The following ETV1 variants were observed in gnomAD, a reference collection of about 807,000 sequenced individuals.
ETV1 encodes the protein ETS variant transcription factor 1.
A neutral mutation model predicts 62.3 loss-of-function variants in ETV1; 27 were observed. The ratio of observed to expected loss-of-function variants is 0.43; its 90% CI spans 0.32 to 0.60. ETV1 has a LOEUF of 0.60. Among genes scored for constraint, ETV1 ranks in the 20% least tolerant of loss-of-function variants. The pLI, the probability that ETV1 is intolerant of heterozygous loss-of-function variation, is 0.06. For synonymous variants in ETV1, 222 were observed against 199.6 expected (o/e 1.11, Z -0.94); for missense variants, 605 against 605.8 (o/e 1.00, Z 0.01).
At position 13,937,504 on chromosome 7, in the gene ETV1, T is replaced by C. The variant is rs1389647365; in HGVS notation, c.366-1608A>G. On this transcript the variant is annotated intron_variant, in intron 7 of 13. Coordinates refer to ENST00000430479, the MANE Select transcript of ETV1 (RefSeq NM_004956.5). The stretch of plus-strand genomic sequence containing the variant: ...ATCCCCCAAAAGAAACACAAAATAT[T>C]CAGGCAATTCCTTTATTATTGATTT... Among the ~76,000 whole-genome samples, 3 of 152,202 alleles carry C rather than the reference T, an allele frequency of 2.0e-5. No homozygotes were observed. The East Asian group carries it at 5.8e-4, about 29-fold the overall frequency.
intron 9 of ETV1, among the ~76,000 whole-genome samples, chr7:13,929,358 G>A (rs373669432): frequency 1.8e-4 from 28 of 152,092 alleles, no homozygotes; most frequent in East Asian, 1.6e-3. Flanking sequence ...ATTATAAATC[G>A]GCCAAGCAAA....
chr7:13,907,664 G>A (rs10950497), intron 11 of ETV1: 86,428 of 289,748 alleles, frequency 0.3, 13,550 homozygotes, highest in East Asian at 0.4. Flanking sequence ...CTGCAAGTAT[G>A]TCATTGTTAG....
At chr7:13,905,504 A>G (rs1295144602) in intron 12 of ETV1, among the ~76,000 whole-genome samples, 1 of 152,174 alleles carries the variant, frequency 6.6e-6, no homozygotes, top group Non-Finnish European at 1.5e-5. Context: ...TTTGATATTA[A>G]CTTCACCTTT....
At chr7:13,911,765 T>C (rs1436714498) in intron 9 of ETV1, among the ~76,000 whole-genome samples, 4 of 152,256 alleles carry the variant, frequency 2.6e-5, no homozygotes, top group African/African-American at 9.6e-5. Context: ...TATGCTATTA[T>C]ACTATGCCTT....
Position 13,915,532 on chromosome 7 carries a change from ACTT to A in ETV1, c.803-4228_803-4226del, listed in dbSNP as rs1256927980. Among the ~76,000 whole-genome samples, 6 of 152,224 alleles carry A rather than the reference ACTT, an allele frequency of 3.9e-5. No homozygotes were observed. The South Asian group carries it at 6.2e-4, about 16-fold the overall frequency. ...ACTTCACTAGATTTTTTGTTTGCTT[ACTT>A]CTTCTCATTTGCTGGTAAGCTCATA... On this transcript the variant is annotated intron_variant, in intron 9 of 13. Coordinates refer to ENST00000430479, the MANE Select transcript of ETV1 (RefSeq NM_004956.5).
chr7:13,968,392 C>G (rs1780523801), intron 6 of ETV1, among the ~76,000 whole-genome samples: 1 of 151,528 alleles, frequency 6.6e-6, no homozygotes, highest in South Asian at 2.1e-4. Flanking sequence ...GGGCGGTAAG[C>G]CTGCCCTATG....
intron 6 of ETV1, among the ~76,000 whole-genome samples, chr7:13,968,882 T>G (rs942355173): frequency 3.9e-5 from 6 of 152,132 alleles, no homozygotes; most frequent in African/African-American, 1.4e-4. Flanking sequence ...GATGGATTCC[T>G]GGGAGGGTAT....
At chr7:13,957,221 G>A (rs1439614133) in intron 6 of ETV1, among the ~76,000 whole-genome samples, 1 of 152,034 alleles carries the variant, frequency 6.6e-6, no homozygotes, top group African/African-American at 2.4e-5. Context: ...AAGTAGCTGG[G>A]ACTACAGGCG....
rs187340869 is a variant in ETV1 at position 13,918,230 on chromosome 7, G to C, written c.803-6923C>G. ...AATAATACTAGTAAGAAGTTCATTT[G>C]GGTATATACCCAGTAATGGGATGGC... On this transcript the variant is annotated intron_variant, in intron 9 of 13. Transcript: ENST00000430479. 3.5e-3 allele frequency among the ~76,000 whole-genome samples: 538 copies of C among 152,102 alleles called. 6 individuals carry two copies. Among genetic ancestry groups the C allele is most frequent in the African/African-American group, 0.012 (503 of 41,496 alleles).
intron 6 of ETV1, among the ~76,000 whole-genome samples, chr7:13,968,768 G>A (rs1157733620): frequency 2.6e-5 from 4 of 151,766 alleles, no homozygotes; most frequent in African/African-American, 9.7e-5. Context: ...ATGTGGCTCT[G>A]GGCCTAAAAG....
intron 12 of ETV1, 70 bp from the exon 13 acceptor site, chr7:13,900,909 A>G: frequency 9.5e-7 from 1 of 1,056,694 alleles, no homozygotes. Flanking sequence ...AAAATTATTT[A>G]ATTAATTACT....
intron 6 of ETV1, among the ~76,000 whole-genome samples, chr7:13,969,663 G>A (rs1452952020): frequency 1.3e-5 from 2 of 152,164 alleles, no homozygotes; most frequent in East Asian, 3.9e-4. Context: ...ATTTGCACAA[G>A]CTTCCCAAAT....
At chr7:13,919,242 T>C (rs539926796) in intron 9 of ETV1, among the ~76,000 whole-genome samples, 3 of 152,226 alleles carry the variant, frequency 2.0e-5, no homozygotes, top group Admixed American at 2.0e-4. Flanking sequence ...TTACAAAACA[T>C]GCTCAATATG....
At chr7:13,981,247 C>T (rs928780714) in intron 5 of ETV1, among the ~76,000 whole-genome samples, 1 of 152,038 alleles carries the variant, frequency 6.6e-6, no homozygotes, top group Non-Finnish European at 1.5e-5. Context: ...TCTTTCTGCC[C>T]GTGAATGAGA....
intron 9 of ETV1, among the ~76,000 whole-genome samples, chr7:13,929,930 T>C (rs542853271): frequency 1.6e-4 from 24 of 152,306 alleles, no homozygotes; most frequent in African/African-American, 5.3e-4. Flanking sequence ...GGTAATCTTA[T>C]ACGCAAACTG....
At chr7:13,981,316 A>C (rs1019384732) in intron 5 of ETV1, among the ~76,000 whole-genome samples, 9 of 152,080 alleles carry the variant, frequency 5.9e-5, no homozygotes, top group African/African-American at 2.2e-4. Flanking sequence ...TTCTGCCTCC[A>C]TTCACAAAAA....
intron 8 of ETV1, 50 bp from the exon 9 acceptor site, chr7:13,931,799 C>T (rs1583680467): frequency 1.3e-5 from 21 of 1,596,356 alleles, no homozygotes; most frequent in Non-Finnish European, 1.7e-5. Flanking sequence ...ATGGAACATT[C>T]TTTAAAATAC....
At chr7:13,927,429 G>C (rs991841508) in intron 9 of ETV1, among the ~76,000 whole-genome samples, 3 of 152,136 alleles carry the variant, frequency 2.0e-5, no homozygotes, top group Admixed American at 2.0e-4. Context: ...TCCAGCCTGG[G>C]CGACAGGATG....
intron 6 of ETV1, among the ~76,000 whole-genome samples, chr7:13,972,851 T>C (rs1339463094): frequency 6.6e-6 from 1 of 152,096 alleles, no homozygotes. Flanking sequence ...CTCAAGCAAT[T>C]CTCCACTTCA....
Sources: gnomAD v4.1 joint callset for allele counts (sites outside exome capture counted in the v4.1 genomes callset) on GRCh38, gnomAD v4.1.1 for gene constraint, MANE v1.5 for transcripts, NCBI Gene and HGNC (gene_info 2026-07-23, HGNC 2026-07-21) for gene names.